Variants in SQLE observed in about 807,000 individuals in gnomAD.
The protein encoded by SQLE is squalene epoxidase.
SQLE carries 29 observed loss-of-function variants against 60.7 expected under a neutral mutation model. That is an observed-to-expected ratio of 0.48 (90% CI 0.36 to 0.65). SQLE has a LOEUF of 0.65. Ranked by LOEUF, SQLE falls within the 30% of genes least tolerant of loss-of-function variation. The pLI is 0.00. For synonymous variants in SQLE, 237 were observed against 246.8 expected (o/e 0.96, Z 0.37); for missense variants, 605 against 684.1 (o/e 0.88, Z 1.29).
At position 125,018,085 on chromosome 8, in the gene SQLE, A is replaced by G; in HGVS notation, c.1231A>G (p.Asn411Asp). Reference sequence around the variant, plus strand: ...TGTTCTTCTTTTGGGAGACGCATATAATATGAGGCATCCACTTACTGGTGG... The same window carrying G: ...TGTTCTTCTTTTGGGAGACGCATATGATATGAGGCATCCACTTACTGGTGG... ...RGVLLLGDAY[N>D]MRHPLTGGGM... Residue 411 changes from asparagine (N) to aspartate (D), a missense_variant, in exon 8 of 11, where the codon AAT becomes GAT. Coordinates refer to ENST00000265896, the MANE Select transcript of SQLE (RefSeq NM_003129.4). 6.2e-7 allele frequency: 1 copy of G among 1,613,838 alleles called. No individual in the cohort carries two copies. Among genetic ancestry groups the G allele is most frequent in the Non-Finnish European group, 8.5e-7 (1 of 1,179,848 alleles).
At chr8:125,008,196 T>C (rs1193860329) in intron 4 of SQLE, among the ~76,000 whole-genome samples, 7 of 152,190 alleles carry the variant, frequency 4.6e-5, no homozygotes, top group Non-Finnish European at 1.0e-4. Flanking sequence ...TTCAAGCGAT[T>C]CTCCTGCCTC....
rs768230188 is a variant in SQLE, at chr8:125,008,987, T to G, written c.839T>G (p.Leu280Arg). ...CTGTTATAGGAACTCCATGCTCCAC[T>G]GACTGTTGTTGCAGATGGGCTTTTC... is the stretch of plus-strand genomic sequence containing the variant. ...TGDIKELHAP[L>R]TVVADGLFSK... The change falls in exon 5 of 11, where the codon CTG becomes CGG. Residue 280 changes from leucine (L) to arginine (R), a missense_variant. By Grantham distance (102) the Leu-to-Arg change is moderately radical (BLOSUM62 -2). Transcript: ENST00000265896. The G allele has an allele frequency of 2.0e-5, 32 of 1,585,546 alleles. No homozygotes were observed. Among genetic ancestry groups the G allele is most frequent in the Non-Finnish European group, 2.3e-5 (27 of 1,169,284 alleles).
rs1429878383 is a variant in SQLE at position 124,999,997 on chromosome 8, A to G, written c.291+303A>G. On this transcript the variant is annotated intron_variant, in intron 1 of 10. Transcript: ENST00000265896. ...TGAAGGAGAAGAACAACCACTTTCCATGATGAAAAAGTTTTTAAAAAGTTC... is the reference window on the plus strand; with the variant it reads ...TGAAGGAGAAGAACAACCACTTTCCGTGATGAAAAAGTTTTTAAAAAGTTC... 3 of 552,302 alleles carry G rather than the reference A, an allele frequency of 5.4e-6. No individual in the cohort carries two copies. The African/African-American group carries it at 5.6e-5, about 10-fold the overall frequency. 34.2% of individuals were successfully genotyped at this position (552,302 alleles called of 1,614,324 possible). A position where few individuals can be genotyped will look rare whatever the true frequency, so the allele number is the denominator to read the frequency against.
chr8:125,020,368 C>T (rs1239232510), intron 9 of SQLE, among the ~76,000 whole-genome samples: 9 of 152,252 alleles, frequency 5.9e-5, no homozygotes, highest in Admixed American at 3.3e-4. Context: ...TATTATTTAT[C>T]GCTACTCACA....
Position 125,011,416 on chromosome 8 carries a change from A to G in SQLE, c.1109-121A>G, listed in dbSNP as rs1229910713. ...TAGTTCTTGATTTATCACAAGGGAT[A>G]TATGTAACAACCATAACAGATGTAT... On this transcript the variant is annotated intron_variant, in intron 6 of 10. Transcript: ENST00000265896. 1.2e-5 allele frequency: 8 copies of G among 677,872 alleles called. No homozygotes were observed. The Admixed American group carries it at 1.8e-4, about 16-fold the overall frequency. 42.0% of individuals were successfully genotyped at this position (677,872 alleles called of 1,614,324 possible). A position where few individuals can be genotyped will look rare whatever the true frequency, so the allele number is the denominator to read the frequency against.
intron 9 of SQLE, among the ~76,000 whole-genome samples, chr8:125,019,860 A>G (rs1207914300): frequency 1.4e-5 from 2 of 143,218 alleles, no homozygotes; most frequent in Non-Finnish European, 3.0e-5. Flanking sequence ...CTTCCTAAGG[A>G]AAAAAAACAA....
chr8:125,000,669 G>GTC (rs988819542), intron 1 of SQLE, among the ~76,000 whole-genome samples: 97 of 152,138 alleles, frequency 6.4e-4, no homozygotes, highest in African/African-American at 2.2e-3. Context: ...GGCCAGGCTG[G>GTC]TCTCGAACTC....
intron 7 of SQLE, chr8:125,017,828 C>G: frequency 1.9e-6 from 1 of 526,280 alleles, no homozygotes; most frequent in Non-Finnish European, 3.3e-6. Flanking sequence ...AGAGGCCACA[C>G]TCTTGTTATT....
In SQLE at chr8:124,999,395, C is replaced by T; in HGVS notation, c.-9C>T. 2 of 1,501,572 alleles carry T rather than the reference C, an allele frequency of 1.3e-6. No homozygotes were observed. Among genetic ancestry groups the T allele is most frequent in the Non-Finnish European group, 1.8e-6 (2 of 1,124,924 alleles). 93.0% of individuals were successfully genotyped at this position (1,501,572 alleles called of 1,614,324 possible). A position where few individuals can be genotyped will look rare whatever the true frequency, so the allele number is the denominator to read the frequency against. ...CCTTGACCGGTGCCACCAAAGAAGC[C>T]TTGGAACCATGTGGACTTTTCTGGG... On this transcript the variant is annotated 5_prime_UTR_variant, in exon 1 of 11. Coordinates refer to ENST00000265896, the MANE Select transcript of SQLE (RefSeq NM_003129.4).
chr8:125,000,947 C>T (rs888578741), intron 1 of SQLE, among the ~76,000 whole-genome samples: 6 of 152,114 alleles, frequency 3.9e-5, no homozygotes, highest in African/African-American at 1.2e-4. Flanking sequence ...AATCTGTTAC[C>T]TCTTCCATTA....
At chr8:125,009,491 C>A in intron 6 of SQLE, 148 bp downstream of exon 6, 1 of 863,930 alleles carries the variant, frequency 1.2e-6, no homozygotes, top group Non-Finnish European at 1.6e-6. Context: ...AACAAACTCC[C>A]AAATTAATAA....
intron 9 of SQLE, 143 bp from the exon 10 acceptor site, chr8:125,020,641 C>G (rs1372293600): frequency 1.7e-6 from 1 of 582,118 alleles, no homozygotes; most frequent in Non-Finnish European, 3.1e-6. Context: ...CAGAAGAAAT[C>G]CTGGTTGTTG....
rs987495139 is a variant in SQLE at position 125,004,418 on chromosome 8, A to G, written c.544+990A>G. Among the ~76,000 whole-genome samples the G allele has an allele frequency of 4.3e-4, 66 of 152,100 alleles. 3 individuals carry two copies. The highest frequency in any genetic ancestry group is 7.4e-5 in the Non-Finnish European group (5 of 67,994). On this transcript the variant is annotated intron_variant, in intron 2 of 10. Transcript: ENST00000265896. The stretch of plus-strand genomic sequence containing the variant: ...TAAGATTATTACATCGAAGGATGCT[A>G]ATTTCTTCATGGTTCTTGATAATTA...
At chr8:125,012,771 A>G (rs1180549340) in intron 7 of SQLE, among the ~76,000 whole-genome samples, 1 of 152,214 alleles carries the variant, frequency 6.6e-6, no homozygotes, top group Non-Finnish European at 1.5e-5. Context: ...TTGGTTATAT[A>G]CCCAAGAGTG....
chr8:125,013,028 A>T (rs1815060544), intron 7 of SQLE, among the ~76,000 whole-genome samples: 1 of 152,220 alleles, frequency 6.6e-6, no homozygotes, highest in East Asian at 1.9e-4. Context: ...ATCTTTTCAT[A>T]TGCATATAGG....
At chr8:125,020,553 AAATATTAGTAGTTATTTACT>A (rs1474013218) in intron 9 of SQLE, among the ~76,000 whole-genome samples, 1 of 152,210 alleles carries the variant, frequency 6.6e-6, no homozygotes, top group Non-Finnish European at 1.5e-5. Flanking sequence ...TCCAAGACCT[AAATATTAGTAGTTATTTACT>A]AACAGAAAAA....
chr8:125,010,623 A>G (rs1172279514), intron 6 of SQLE, among the ~76,000 whole-genome samples: 1 of 152,214 alleles, frequency 6.6e-6, no homozygotes, highest in Non-Finnish European at 1.5e-5. Context: ...CATTTTCAAC[A>G]TGTACATGGA....
chr8:125,005,737 A>G (rs2129879872), intron 3 of SQLE, 32 bp downstream of exon 3: 1 of 1,483,296 alleles, frequency 6.7e-7, no homozygotes, highest in East Asian at 2.4e-5. Flanking sequence ...TATAATTACT[A>G]AAGAATCAAT....
At chr8:125,006,491 C>G (rs1426780342) in intron 3 of SQLE, among the ~76,000 whole-genome samples, 1 of 151,378 alleles carries the variant, frequency 6.6e-6, no homozygotes, top group African/African-American at 2.4e-5. Context: ...CGTGGTAGCA[C>G]GCACCTGCAG....
Sources: allele counts gnomAD v4.1 joint callset (sites outside exome capture counted in the v4.1 genomes callset), GRCh38; gene constraint gnomAD v4.1.1; transcripts MANE v1.5; gene names NCBI Gene and HGNC (gene_info 2026-07-23, HGNC 2026-07-21).